The following TP53BP1 variants were observed in gnomAD, a reference collection of about 807,000 sequenced individuals.
TP53BP1 encodes the protein tumor protein p53 binding protein 1.
In TP53BP1, 61 loss-of-function variants were observed where a neutral mutation model predicts 200.8. The observed-to-expected ratio is 0.30, with a 90% CI of 0.25 to 0.38. The LOEUF is 0.38. Ranked by LOEUF, TP53BP1 falls within the 10% of genes least tolerant of loss-of-function variation. The probability of loss-of-function intolerance (pLI) is 1.00; values close to 1 mark genes in which losing one functional copy is unlikely to be tolerated. For missense variants in TP53BP1, 2,144 were observed against 2,371.9 expected, an observed-to-expected ratio of 0.90 and a Z score of 2.00; for synonymous variants, 822 against 844.3, an observed-to-expected ratio of 0.97 and a Z score of 0.46.
At chr15:43,436,442 C>A (rs1042285019) in intron 16 of TP53BP1, among the ~76,000 whole-genome samples, 8 of 151,748 alleles carry the variant, frequency 5.3e-5, no homozygotes, top group African/African-American at 1.9e-4. Context: ...ATATAAGTAT[C>A]ATATATTCCA....
intron 15 of TP53BP1, among the ~76,000 whole-genome samples, chr15:43,440,103 A>G (rs1338153412): frequency 6.6e-6 from 1 of 152,216 alleles, no homozygotes; most frequent in African/African-American, 2.4e-5. Flanking sequence ...CATTTAGTCC[A>G]CAGGCCTCTT....
chr15:43,452,298 G>C (rs1402677677), intron 12 of TP53BP1, among the ~76,000 whole-genome samples: 3 of 152,112 alleles, frequency 2.0e-5, no homozygotes, highest in Non-Finnish European at 4.4e-5. Flanking sequence ...GAGCACGGTG[G>C]CTCATACCTG....
In TP53BP1 at chr15:43,447,488, G is replaced by GAAAAAAA. The variant is rs749575788; in HGVS notation, c.2717-10_2717-4dup. 85 of 956,332 alleles carry GAAAAAAA rather than the reference G, an allele frequency of 8.9e-5. No homozygotes were observed. Among genetic ancestry groups the GAAAAAAA allele is most frequent in the South Asian group, 5.8e-4 (20 of 34,484 alleles). 59.2% of individuals were successfully genotyped at this position (956,332 alleles called of 1,614,324 possible). A position where few individuals can be genotyped will look rare whatever the true frequency, so the allele number is the denominator to read the frequency against. On this transcript the variant is annotated splice_region_variant and splice_polypyrimidine_tract_variant and intron_variant, in intron 12 of 27. Transcript: ENST00000382044. ...CAAAGTGAAATGAAATGGGGTTTCTGAAAAAAAAAAAAAAAAGAAAAAAGA... is the reference window on the plus strand; with the variant it reads ...CAAAGTGAAATGAAATGGGGTTTCTGAAAAAAAAAAAAAAAAAAAAAAAGAAAAAAGA...
intron 21 of TP53BP1, 152 bp downstream of exon 21, chr15:43,420,153 G>T: frequency 1.4e-6 from 1 of 724,960 alleles, no homozygotes; most frequent in Non-Finnish European, 2.3e-6. Context: ...AGAAAAGTCA[G>T]TGGCAAGAGT....
intron 14 of TP53BP1, among the ~76,000 whole-genome samples, chr15:43,443,616 G>A (rs1359752547): frequency 3.3e-5 from 5 of 152,144 alleles, no homozygotes; most frequent in Non-Finnish European, 7.4e-5. Flanking sequence ...GATCGCTTGA[G>A]CCTGGGAGAT....
chr15:43,470,319 C>T (rs1440730068), intron 10 of TP53BP1, among the ~76,000 whole-genome samples: 3 of 152,214 alleles, frequency 2.0e-5, no homozygotes, highest in Admixed American at 2.0e-4. Flanking sequence ...GGGCTACCCA[C>T]CCATTCATAA....
chr15:43,459,136 G>A (rs1045781398), intron 11 of TP53BP1, among the ~76,000 whole-genome samples: 12 of 152,048 alleles, frequency 7.9e-5, no homozygotes, highest in East Asian at 3.9e-4. Context: ...CCAGGAGTTC[G>A]AGGTCAGCCT....
At chr15:43,423,784 T>C (rs1487001090) in intron 18 of TP53BP1, among the ~76,000 whole-genome samples, 1 of 152,164 alleles carries the variant, frequency 6.6e-6, no homozygotes, top group East Asian at 1.9e-4. Context: ...TCTCTCCTCC[T>C]TTAAAATCCA....
intron 16 of TP53BP1, among the ~76,000 whole-genome samples, chr15:43,436,109 A>C (rs2045791667): frequency 6.6e-6 from 1 of 151,692 alleles, no homozygotes; most frequent in African/African-American, 2.4e-5. Flanking sequence ...CTCCCACCTC[A>C]GCATCCCAAG....
rs1595528917 is a variant in TP53BP1 at position 43,418,564 on chromosome 15, T to C, written c.4681+1741A>G. ...TTCCCCCATTATATGCCAATCCATG[T>C]TCAAAAAGTCCTCAGAAAGATGTTT... On this transcript the variant is annotated intron_variant, in intron 21 of 27. Coordinates refer to ENST00000382044, the MANE Select transcript of TP53BP1 (RefSeq NM_001141980.3). Among the ~76,000 whole-genome samples, 5 of 151,436 alleles carry C rather than the reference T, an allele frequency of 3.3e-5. 1 individual carries two copies. In the South Asian group the frequency reaches 1.0e-3, roughly 32 times the overall value.
intron 15 of TP53BP1, among the ~76,000 whole-genome samples, chr15:43,438,925 TA>T (rs768652711): frequency 2.6e-5 from 4 of 152,136 alleles, no homozygotes; most frequent in Non-Finnish European, 5.9e-5. Flanking sequence ...GTCAATTTTT[TA>T]AAGTATGATA....
chr15:43,495,750 G>A (rs1328760734), upstream of TP53BP1, among the ~76,000 whole-genome samples: 2 of 149,630 alleles, frequency 1.3e-5, no homozygotes, highest in African/African-American at 2.5e-5. Flanking sequence ...CCGGGAGGCG[G>A]AGCTTGCAGT....
At chr15:43,427,223 A>G (rs994213820) in intron 18 of TP53BP1, among the ~76,000 whole-genome samples, 1 of 152,202 alleles carries the variant, frequency 6.6e-6, no homozygotes, top group Non-Finnish European at 1.5e-5. Context: ...CTGAGCTGAC[A>G]TTTGTAATGA....
intron 17 of TP53BP1, among the ~76,000 whole-genome samples, chr15:43,428,647 A>G (rs1053834228): frequency 6.6e-6 from 1 of 152,216 alleles, no homozygotes; most frequent in Non-Finnish European, 1.5e-5. Context: ...TATTAAAGTG[A>G]AAACCACAGT....
At chr15:43,423,863 T>G (rs1482258780) in intron 18 of TP53BP1, among the ~76,000 whole-genome samples, 2 of 152,200 alleles carry the variant, frequency 1.3e-5, no homozygotes, top group African/African-American at 4.8e-5. Context: ...TTTGGGTTCC[T>G]CTTTCTCTGT....
In TP53BP1 at chr15:43,457,138, C is replaced by T; in HGVS notation, c.1470G>A (p.Leu490=). The part of the protein sequence containing the change: ...KKDGDMHSSS[L]TVECSKTSEI... ...CTGAAGTTTTAGAACACTCAACTGTCAAAGATGAACTATGCATATCTCCAT... is the reference window on the plus strand; with the variant it reads ...CTGAAGTTTTAGAACACTCAACTGTTAAAGATGAACTATGCATATCTCCAT... The change falls in exon 12 of 28, where the codon TTG becomes TTA. Residue 490 remains leucine (L), a synonymous_variant. Transcript: ENST00000382044. 1 of 1,613,980 alleles carries T rather than the reference C, an allele frequency of 6.2e-7. No homozygotes were observed. Among genetic ancestry groups the T allele is most frequent in the Non-Finnish European group, 8.5e-7 (1 of 1,179,904 alleles).
intron 22 of TP53BP1, 114 bp downstream of exon 22, chr15:43,416,111 C>A (rs1240051272): frequency 1.0e-6 from 1 of 997,738 alleles, no homozygotes. Context: ...ATCTGAGAAG[C>A]CACACATAGG....
chr15:43,482,700 G>A (rs1263107285), intron 4 of TP53BP1, among the ~76,000 whole-genome samples: 1 of 152,030 alleles, frequency 6.6e-6, no homozygotes, highest in Non-Finnish European at 1.5e-5. Flanking sequence ...CCTGGGAATC[G>A]GAGGTTGCAG....
chr15:43,484,086 A>G (rs1284160378), intron 4 of TP53BP1, among the ~76,000 whole-genome samples: 5 of 152,188 alleles, frequency 3.3e-5, no homozygotes, highest in Admixed American at 6.5e-5. Flanking sequence ...ACAATGTTTC[A>G]TATGTTTAAA....
Sources: gnomAD v4.1 joint callset for allele counts (sites outside exome capture counted in the v4.1 genomes callset) on GRCh38, gnomAD v4.1.1 for gene constraint, MANE v1.5 for transcripts, NCBI Gene and HGNC (gene_info 2026-07-23, HGNC 2026-07-21) for gene names.